Variants in GADL1 observed in about 807,000 individuals in gnomAD.
The protein encoded by GADL1 is acidic amino acid decarboxylase GADL1.
GADL1 carries 71 observed loss-of-function variants against 69.5 expected under a neutral mutation model. The ratio of observed to expected loss-of-function variants is 1.02; its 90% CI spans 0.84 to 1.25. The LOEUF (loss-of-function observed/expected upper bound fraction) is 1.25. GADL1 is among the 50% of genes most tolerant of loss of function. GADL1 has a pLI of 0.00. For missense variants in GADL1, 737 were observed against 631.8 expected (o/e 1.17, Z -1.79); for synonymous variants, 254 against 214.4 (o/e 1.18, Z -1.62).
intron 14 of GADL1, among the ~76,000 whole-genome samples, chr3:30,774,282 C>T (rs1696485335): frequency 6.6e-6 from 1 of 152,172 alleles, no homozygotes; most frequent in Non-Finnish European, 1.5e-5. Context: ...TTTTACACAA[C>T]TTTCAAATGT....
At chr3:30,829,479 A>G (rs1268886679) in intron 11 of GADL1, among the ~76,000 whole-genome samples, 4 of 151,890 alleles carry the variant, frequency 2.6e-5, no homozygotes, top group Admixed American at 2.6e-4. Context: ...TTTTACATCA[A>G]CAGAAGAACC....
intron 11 of GADL1, among the ~76,000 whole-genome samples, chr3:30,803,563 T>G (rs1188366349): frequency 6.6e-6 from 1 of 152,138 alleles, no homozygotes; most frequent in African/African-American, 2.4e-5. Flanking sequence ...GAAGACAAAT[T>G]GTATCATCAT....
At chr3:30,848,323 T>G (rs1323705406) in intron 6 of GADL1, among the ~76,000 whole-genome samples, 1 of 152,206 alleles carries the variant, frequency 6.6e-6, no homozygotes, top group Admixed American at 6.6e-5. Flanking sequence ...ACTCCCACTT[T>G]GCACTTAGTG....
chr3:30,732,722 T>C (rs1296832036), intron 14 of GADL1, among the ~76,000 whole-genome samples: 1 of 152,288 alleles, frequency 6.6e-6, no homozygotes, highest in Non-Finnish European at 1.5e-5. Context: ...TAAGAATTTG[T>C]TATATACTCA....
At chr3:30,833,596 TGA>T (rs143874584) in intron 11 of GADL1, among the ~76,000 whole-genome samples, 1 of 151,986 alleles carries the variant, frequency 6.6e-6, no homozygotes, top group Non-Finnish European at 1.5e-5. Context: ...CAAATGATGG[TGA>T]GAGAGAGACC....
At chr3:30,763,463 C>T (rs1367476803) in intron 14 of GADL1, among the ~76,000 whole-genome samples, 1 of 138,152 alleles carries the variant, frequency 7.2e-6, no homozygotes, top group African/African-American at 2.8e-5. Flanking sequence ...GATCATGCCA[C>T]CTCACTCCAG....
At chr3:30,739,075 C>T (rs1359255165) in intron 14 of GADL1, among the ~76,000 whole-genome samples, 1 of 152,192 alleles carries the variant, frequency 6.6e-6, no homozygotes, top group Non-Finnish European at 1.5e-5. Context: ...TGGGAAGCGG[C>T]CCCAGTGTTG....
chr3:30,832,112 A>G (rs573460550), intron 11 of GADL1, among the ~76,000 whole-genome samples: 2 of 152,062 alleles, frequency 1.3e-5, no homozygotes, highest in Admixed American at 1.3e-4. Flanking sequence ...AAAGAGATAG[A>G]AAACTGCCAA....
At chr3:30,765,714 G>T (rs539808433) in intron 14 of GADL1, among the ~76,000 whole-genome samples, 1 of 152,140 alleles carries the variant, frequency 6.6e-6, no homozygotes, top group South Asian at 2.1e-4. Context: ...AGCCAGGCTT[G>T]GAAGGGTTGA....
At chr3:30,739,847 A>G (rs1695591221) in intron 14 of GADL1, among the ~76,000 whole-genome samples, 1 of 152,198 alleles carries the variant, frequency 6.6e-6, no homozygotes, top group South Asian at 2.1e-4. Context: ...CTTTATAAAT[A>G]CTAATAAAGA....
intron 14 of GADL1, among the ~76,000 whole-genome samples, chr3:30,764,327 ACT>A (rs1232745524): frequency 6.6e-6 from 1 of 152,048 alleles, no homozygotes; most frequent in South Asian, 2.1e-4. Context: ...TGGTGTGTAG[ACT>A]CTAAGAGAAA....
At chr3:30,853,226 T>G (rs1698177003) in intron 4 of GADL1, among the ~76,000 whole-genome samples, 1 of 152,170 alleles carries the variant, frequency 6.6e-6, no homozygotes. Context: ...TGGTTCTTTA[T>G]CTTGGCTTCC....
At chr3:30,753,346 T>C (rs1223198917) in intron 14 of GADL1, among the ~76,000 whole-genome samples, 1 of 152,206 alleles carries the variant, frequency 6.6e-6, no homozygotes. Flanking sequence ...TGAATTCTAG[T>C]TTCAAATATG....
At chr3:30,754,224 A>G (rs545584562) in intron 14 of GADL1, among the ~76,000 whole-genome samples, 1 of 152,168 alleles carries the variant, frequency 6.6e-6, no homozygotes, top group African/African-American at 2.4e-5. Flanking sequence ...TACAAGTTCA[A>G]TGTGAGGGGC....
chr3:30,893,249 CTTTTT>C (rs1405712966), intron 1 of GADL1, among the ~76,000 whole-genome samples: 3 of 152,134 alleles, frequency 2.0e-5, no homozygotes, highest in African/African-American at 7.2e-5. Flanking sequence ...TGTTTTTCTT[CTTTTT>C]AAGTTTTATT....
chr3:30,846,655 C>G (rs9809336), intron 6 of GADL1, among the ~76,000 whole-genome samples: 82,826 of 151,916 alleles, frequency 0.55, 26,221 homozygotes, highest in African/African-American at 0.88. Flanking sequence ...AGAGAATGAA[C>G]AAAAAGAGTG....
intron 14 of GADL1, among the ~76,000 whole-genome samples, chr3:30,732,953 A>G (rs886083579): frequency 6.6e-6 from 1 of 152,134 alleles, no homozygotes; most frequent in Non-Finnish European, 1.5e-5. Context: ...ACTACTAGGG[A>G]GGCTGCGGCA....
chr3:30,759,160 C>T (rs1461788925), intron 14 of GADL1, among the ~76,000 whole-genome samples: 1 of 152,182 alleles, frequency 6.6e-6, no homozygotes, highest in Admixed American at 6.5e-5. Flanking sequence ...CAGGCCTCTG[C>T]AGATTGGAGC....
At chr3:30,820,986 G>A (rs1471194632) in intron 11 of GADL1, among the ~76,000 whole-genome samples, 7 of 151,952 alleles carry the variant, frequency 4.6e-5, no homozygotes, top group African/African-American at 1.7e-4. Flanking sequence ...GGAATACTAT[G>A]CAGCCATAAA....
Sources: allele counts gnomAD v4.1 joint callset (sites outside exome capture counted in the v4.1 genomes callset), GRCh38; gene constraint gnomAD v4.1.1; transcripts MANE v1.5; gene names NCBI Gene and HGNC (gene_info 2026-07-23, HGNC 2026-07-21).